MYO16: variants seen among roughly 807,000 people sequenced by gnomAD.
MYO16 encodes the protein unconventional myosin-XVI.
In MYO16, 94 loss-of-function variants were observed where a neutral mutation model predicts 205.3. The ratio of observed to expected loss-of-function variants is 0.46; its 90% CI spans 0.39 to 0.54. The LOEUF is 0.54. MYO16 is among the 20% of genes least tolerant of loss of function. MYO16 has a pLI of 0.00. For synonymous variants in MYO16, 988 were observed against 954.0 expected (o/e 1.04, Z -0.66); for missense variants, 2,315 against 2,387.5 (o/e 0.97, Z 0.63).
Position 109,206,867 on chromosome 13 carries a change from A to C in MYO16, c.*31A>C. On this transcript the variant is annotated 3_prime_UTR_variant, in exon 35 of 35. Coordinates refer to ENST00000457511, the MANE Select transcript of MYO16 (RefSeq NM_001198950.3). The stretch of plus-strand genomic sequence containing the variant: ...CCTGAACTGCAGACTTACAAAATAG[A>C]ACTGCCTACTGATTCCGGGCTGCAA... The C allele has an allele frequency of 6.3e-7, 1 of 1,586,056 alleles. No homozygotes were observed.
At chr13:108,728,471 C>A (rs1195195153) in intron 4 of MYO16, among the ~76,000 whole-genome samples, 1 of 152,148 alleles carries the variant, frequency 6.6e-6, no homozygotes, top group African/African-American at 2.4e-5. Flanking sequence ...ACACAAGCAC[C>A]CTTGCGGAGG....
At chr13:109,101,912 A>G (rs1017281094) in intron 28 of MYO16, 1 of 152,206 alleles carries the variant, frequency 6.6e-6, no homozygotes, top group Non-Finnish European at 1.5e-5. Context: ...CTGATGATTC[A>G]GAATTGCTGA....
intron 30 of MYO16, among the ~76,000 whole-genome samples, chr13:109,126,638 G>A (rs1395422662): frequency 2.6e-5 from 4 of 152,160 alleles, no homozygotes; most frequent in Non-Finnish European, 5.9e-5. Context: ...AGAAGTATTT[G>A]TCTGTTTATT....
chr13:109,078,374 G>T (rs1307188646), intron 27 of MYO16, among the ~76,000 whole-genome samples: 1 of 152,062 alleles, frequency 6.6e-6, no homozygotes, highest in African/African-American at 2.4e-5. Context: ...AGGAGGTAGA[G>T]GTTGCAGTGA....
At chr13:109,082,605 C>T (rs548416718) in intron 27 of MYO16, among the ~76,000 whole-genome samples, 9 of 152,092 alleles carry the variant, frequency 5.9e-5, no homozygotes, top group East Asian at 3.9e-4. Flanking sequence ...GAGACTAAGG[C>T]GAGTGGATCA....
chr13:109,041,049 A>G (rs1453494930), intron 23 of MYO16, among the ~76,000 whole-genome samples: 1 of 152,202 alleles, frequency 6.6e-6, no homozygotes, highest in African/African-American at 2.4e-5. Context: ...TCAAAAAATC[A>G]ATTGTATTTC....
chr13:108,918,185 A>G (rs777621520), intron 16 of MYO16, among the ~76,000 whole-genome samples: 2 of 152,206 alleles, frequency 1.3e-5, no homozygotes, highest in Non-Finnish European at 2.9e-5. Flanking sequence ...TTTCTTTTTC[A>G]TATTTTGGAT....
intron 2 of MYO16, among the ~76,000 whole-genome samples, chr13:108,669,722 A>G (rs995132186): frequency 6.6e-6 from 1 of 152,130 alleles, no homozygotes; most frequent in Non-Finnish European, 1.5e-5. Context: ...GTACATATAC[A>G]CCATGGAATA....
At chr13:108,641,502 T>C (rs1006773060) in intron 1 of MYO16, among the ~76,000 whole-genome samples, 1 of 152,054 alleles carries the variant, frequency 6.6e-6, no homozygotes, top group Non-Finnish European at 1.5e-5. Flanking sequence ...GCAACAAATA[T>C]AAGATTAAGG....
rs577865906 is a variant in MYO16 at position 108,751,674 on chromosome 13, G to A, written c.507+24091G>A. Among the ~76,000 whole-genome samples the A allele has an allele frequency of 9.2e-5, 14 of 152,214 alleles. 1 individual carries two copies. Among genetic ancestry groups the A allele is most frequent in the Admixed American group, 9.2e-4 (14 of 15,282 alleles). ...ACTACGTCAGTCAAGTCTCAAGAGT[G>A]GCAAGCCATACCGATATTACACACC... On this transcript the variant is annotated intron_variant, in intron 4 of 34. Transcript: ENST00000457511.
chr13:109,095,402 G>GT (rs1420362602), intron 27 of MYO16, among the ~76,000 whole-genome samples: 1 of 152,148 alleles, frequency 6.6e-6, no homozygotes, highest in Non-Finnish European at 1.5e-5. Context: ...GGGGGAACGT[G>GT]TTTTAGCTCA....
At chr13:109,018,175 T>C (rs1203112696) in intron 22 of MYO16, among the ~76,000 whole-genome samples, 1 of 152,228 alleles carries the variant, frequency 6.6e-6, no homozygotes, top group African/African-American at 2.4e-5. Flanking sequence ...TTTGTTGATG[T>C]TGATACAGTT....
At position 108,613,333 on chromosome 13, in the gene MYO16, G is replaced by A. The variant is rs555319242; in HGVS notation, c.-39+17094G>A. On this transcript the variant is annotated intron_variant, in intron 1 of 24. Coordinates refer to the MYO16 transcript ENST00000251041. The stretch of plus-strand genomic sequence containing the variant: ...GTGTCTAAATGTGTCCTCAATTCTG[G>A]ATATGCTGAAGACATTCTAAAATTT... Among the ~76,000 whole-genome samples, 49 of 152,188 alleles carry A rather than the reference G, an allele frequency of 3.2e-4. 1 individual carries two copies. In the South Asian group the frequency reaches 9.8e-3, roughly 30 times the overall value.
At chr13:108,791,569 T>C (rs1453217026) in intron 5 of MYO16, among the ~76,000 whole-genome samples, 2 of 152,170 alleles carry the variant, frequency 1.3e-5, no homozygotes, top group Non-Finnish European at 1.5e-5. Flanking sequence ...CTTGCCCACA[T>C]TGGCACAAGT....
chr13:109,019,957 A>G (rs1885967636), intron 23 of MYO16, 46 bp downstream of exon 23: 2 of 1,575,298 alleles, frequency 1.3e-6, no homozygotes, highest in South Asian at 1.1e-5. Flanking sequence ...CTAATGATCA[A>G]AGGTCCTTGG....
chr13:108,997,419 AG>A (rs1885065128), intron 21 of MYO16, among the ~76,000 whole-genome samples: 1 of 139,862 alleles, frequency 7.1e-6, no homozygotes. Context: ...AGGAAAGGAA[AG>A]GAAAGGAAAG....
chr13:108,888,465 C>T lies in MYO16; in HGVS notation c.1647C>T (p.Ser549=). 1 of 1,594,658 alleles carries T rather than the reference C, an allele frequency of 6.3e-7. No homozygotes were observed. The highest frequency in any genetic ancestry group is 8.5e-7 in the Non-Finnish European group (1 of 1,173,946). ...RAGASRATLD[S]RFKHVVCILE... is the part of the protein sequence containing the mutation. Reference sequence around the variant, plus strand: ...GCGCCAGCAGGGCCACACTGGATTCCAGATTCAAACATGTAAGTTTTTTGT... The same window carrying T: ...GCGCCAGCAGGGCCACACTGGATTCTAGATTCAAACATGTAAGTTTTTTGT... Residue 549 remains serine (S), a synonymous_variant, in exon 14 of 35, where the codon TCC becomes TCT. Coordinates refer to ENST00000457511, the MANE Select transcript of MYO16 (RefSeq NM_001198950.3).
intron 6 of MYO16, among the ~76,000 whole-genome samples, chr13:108,797,973 G>A (rs986466198): frequency 2.0e-5 from 3 of 152,148 alleles, no homozygotes; most frequent in African/African-American, 7.2e-5. Context: ...TGAACAGAGA[G>A]CATAAATATT....
chr13:108,506,178 C>T, the MYO16 span, among the ~76,000 whole-genome samples: 41,530 of 151,850 alleles, frequency 0.27, 6,417 homozygotes, highest in Non-Finnish European at 0.34. Flanking sequence ...TTCAGAATTT[C>T]TTTTCAATTT....
Sources: allele counts gnomAD v4.1 joint callset (sites outside exome capture counted in the v4.1 genomes callset), GRCh38; gene constraint gnomAD v4.1.1; transcripts MANE v1.5; gene names NCBI Gene and HGNC (gene_info 2026-07-23, HGNC 2026-07-21).